The following ABCC9 variants were observed in gnomAD, a reference collection of about 807,000 sequenced individuals.
ABCC9 encodes the protein ATP binding cassette subfamily C member 9, also known as ATP-binding cassette sub-family C member 9.
In ABCC9, 95 loss-of-function variants were observed where a neutral mutation model predicts 188.3. That is an observed-to-expected ratio of 0.50 (90% CI 0.43 to 0.60). ABCC9 has a LOEUF of 0.60. ABCC9 is among the 20% of genes least tolerant of loss of function. ABCC9 has a pLI of 0.00. For synonymous variants in ABCC9, 659 were observed against 652.7 expected, an observed-to-expected ratio of 1.01 and a Z score of -0.15; for missense variants, 1,102 against 1,876.3, an observed-to-expected ratio of 0.59 and a Z score of 7.62.
chr12:21,899,301 T>A (rs770864160), intron 12 of ABCC9, among the ~76,000 whole-genome samples: 6 of 152,178 alleles, frequency 3.9e-5, no homozygotes, highest in Non-Finnish European at 8.8e-5. Flanking sequence ...GATGTTAACA[T>A]CACACATAAG....
rs1424309181 is a variant in ABCC9 at position 21,799,852 on chromosome 12, T to G, written c.*1192A>C. On this transcript the variant is annotated 3_prime_UTR_variant, in exon 40 of 40. Coordinates refer to ENST00000261200, the MANE Select transcript of ABCC9 (RefSeq NM_020297.4). ...GTGACAAAGAAGGTGACTTTTAGTA[T>G]TTTTGAATTTATTAATTTTCATTTA... is the stretch of plus-strand genomic sequence containing the variant. The G allele has an allele frequency of 6.6e-6, 1 of 152,196 alleles. No individual in the cohort carries two copies. The highest frequency in any genetic ancestry group is 2.4e-5 in the African/African-American group (1 of 41,444). The allele number at this position is 152,196 out of a possible 1,614,324, so 9.4% of individuals were successfully genotyped here. A position where few individuals can be genotyped will look rare whatever the true frequency, so the allele number is the denominator to read the frequency against.
At position 21,882,709 on chromosome 12, in the gene ABCC9, A is replaced by T. The variant is rs563655508; in HGVS notation, c.2019+57T>A. On this transcript the variant is annotated intron_variant, in intron 16 of 39. Transcript: ENST00000261200. ...TGGGACACTTTCACAGAACTTCACC[A>T]TAAAATAGTAACATAAATGTTTCTA... is the stretch of plus-strand genomic sequence containing the variant. The T allele has an allele frequency of 1.3e-5, 19 of 1,458,054 alleles. No homozygotes were observed. In the African/African-American group the frequency reaches 2.4e-4, roughly 18 times the overall value. 90.3% of individuals were successfully genotyped at this position (1,458,054 alleles called of 1,614,324 possible).
intron 14 of ABCC9, among the ~76,000 whole-genome samples, chr12:21,889,089 A>G (rs1947019296): frequency 6.6e-6 from 1 of 152,192 alleles, no homozygotes; most frequent in Non-Finnish European, 1.5e-5. Flanking sequence ...ACAATAACAA[A>G]ATGAGAAAAA....
At chr12:21,876,212 C>T (rs1207929336) in intron 16 of ABCC9, among the ~76,000 whole-genome samples, 5 of 151,918 alleles carry the variant, frequency 3.3e-5, no homozygotes, top group South Asian at 2.1e-4. Flanking sequence ...TTTAAATTTG[C>T]GATATTATGA....
At chr12:21,905,353 T>C (rs140413681) in intron 12 of ABCC9, among the ~76,000 whole-genome samples, 3,909 of 151,520 alleles carry the variant, frequency 0.026, 165 homozygotes, top group African/African-American at 0.089. Context: ...ACATGACACA[T>C]ATATATATAT....
chr12:21,808,778 C>CAAAAAAAAAAA (rs34314026), intron 37 of ABCC9, among the ~76,000 whole-genome samples: 1 of 80,508 alleles, frequency 1.2e-5, no homozygotes, highest in African/African-American at 4.7e-5. Flanking sequence ...GAACTTGTCT[C>CAAAAAAAAAAA]AAAAAAAAAA....
At chr12:21,842,624 CCCATAGTTTATTATGTCTGT>C (rs1159283827) in intron 28 of ABCC9, among the ~76,000 whole-genome samples, 153 bp from the exon 29 acceptor site, 2 of 152,162 alleles carry the variant, frequency 1.3e-5, no homozygotes, top group Non-Finnish European at 2.9e-5. Context: ...TCACTCACTT[CCCATAGTTTATTATGTCTGT>C]CTATTTATCT....
At chr12:21,806,921 A>G (rs932488486) in intron 38 of ABCC9, among the ~76,000 whole-genome samples, 1 of 152,192 alleles carries the variant, frequency 6.6e-6, no homozygotes, top group African/African-American at 2.4e-5. Context: ...AGCCATTGTT[A>G]ATCCCAGTGA....
At chr12:21,818,331 A>T (rs1030322658) in intron 31 of ABCC9, 80 bp from the exon 32 acceptor site, 6 of 1,057,008 alleles carry the variant, frequency 5.7e-6, no homozygotes, top group Non-Finnish European at 8.9e-6. Flanking sequence ...AGAGGTGATC[A>T]CTAAGAGAAT....
intron 30 of ABCC9, among the ~76,000 whole-genome samples, chr12:21,833,031 C>G (rs1339019275): frequency 6.6e-6 from 1 of 152,050 alleles, no homozygotes; most frequent in Non-Finnish European, 1.5e-5. Flanking sequence ...AATAGAAAAC[C>G]AAATATCATA....
intron 12 of ABCC9, among the ~76,000 whole-genome samples, chr12:21,898,770 A>T (rs187605662): frequency 6.6e-6 from 1 of 152,310 alleles, no homozygotes; most frequent in East Asian, 1.9e-4. Flanking sequence ...TATTCATGAG[A>T]ATACTCAGTC....
intron 18 of ABCC9, among the ~76,000 whole-genome samples, chr12:21,870,664 A>AAATTTCTG (rs1946023960): frequency 6.6e-6 from 1 of 152,110 alleles, no homozygotes; most frequent in Admixed American, 6.6e-5. Flanking sequence ...TGAAGTTCAG[A>AAATTTCTG]AATTTGTGGC....
chr12:21,879,049 G>A (rs909111951), intron 16 of ABCC9, among the ~76,000 whole-genome samples: 2 of 152,204 alleles, frequency 1.3e-5, no homozygotes, highest in African/African-American at 4.8e-5. Flanking sequence ...GAAAGATGGA[G>A]GCAAGCTCAG....
At chr12:21,919,122 C>T (rs1398267731) in intron 5 of ABCC9, among the ~76,000 whole-genome samples, 1 of 151,696 alleles carries the variant, frequency 6.6e-6, no homozygotes. Context: ...AACTGCATAG[C>T]TACCTTTAAA....
chr12:21,888,211 T>G (rs1014104618), intron 14 of ABCC9, among the ~76,000 whole-genome samples: 1 of 152,254 alleles, frequency 6.6e-6, no homozygotes, highest in East Asian at 1.9e-4. Context: ...AGAACCTTCT[T>G]TGCATTTTTT....
intron 18 of ABCC9, among the ~76,000 whole-genome samples, chr12:21,866,676 C>G (rs1035286148): frequency 1.3e-5 from 2 of 152,040 alleles, no homozygotes; most frequent in African/African-American, 4.8e-5. Context: ...TCACGGAAAC[C>G]AAGAAGCCAA....
intron 30 of ABCC9, among the ~76,000 whole-genome samples, chr12:21,833,094 T>C (rs1225238194): frequency 6.6e-6 from 1 of 152,012 alleles, no homozygotes; most frequent in Non-Finnish European, 1.5e-5. Context: ...GGCATAAGAA[T>C]GATATGATAG....
In ABCC9 at chr12:21,830,727, A is replaced by G. The variant is rs114965807; in HGVS notation, c.3567-1667T>C. On this transcript the variant is annotated intron_variant, in intron 30 of 39. Coordinates refer to ENST00000261200, the MANE Select transcript of ABCC9 (RefSeq NM_020297.4). ...CAGTAAGCTCTAATCTACAATAATCAGAGAACTCAGCAATCATAGCTAAAT... is the reference window on the plus strand; with the variant it reads ...CAGTAAGCTCTAATCTACAATAATCGGAGAACTCAGCAATCATAGCTAAAT... Among the ~76,000 whole-genome samples, 484 of 152,302 alleles carry G rather than the reference A, an allele frequency of 3.2e-3. 4 individuals carry two copies. Among genetic ancestry groups the G allele is most frequent in the African/African-American group, 0.01 (434 of 41,556 alleles).
intron 3 of ABCC9, among the ~76,000 whole-genome samples, chr12:21,935,933 G>C (rs935122884): frequency 1.3e-5 from 2 of 152,032 alleles, no homozygotes; most frequent in Admixed American, 1.3e-4. Context: ...AGACAAAACT[G>C]TATTGTTAAC....
Sources: allele counts gnomAD v4.1 joint callset (sites outside exome capture counted in the v4.1 genomes callset), GRCh38; gene constraint gnomAD v4.1.1; transcripts MANE v1.5; gene names NCBI Gene and HGNC (gene_info 2026-07-23, HGNC 2026-07-21).